ZNF264: variants seen among roughly 807,000 people sequenced by gnomAD.
ZNF264 encodes zinc finger protein 264.
ZNF264 carries 11 observed loss-of-function variants against 11.2 expected under a neutral mutation model. The observed-to-expected ratio is 0.98, with a 90% confidence interval of 0.62 to 1.63. ZNF264 has a LOEUF of 1.63. Ranked by LOEUF, ZNF264 falls within the 40% of genes most tolerant of loss-of-function variation. The pLI is 0.00. For missense variants in ZNF264, 752 were observed against 768.1 expected (o/e 0.98, Z 0.25); for synonymous variants, 309 against 279.8 (o/e 1.10, Z -1.04).
chr19:57,209,519 C>T (rs1599953400), intron 3 of ZNF264, among the ~76,000 whole-genome samples: 1 of 152,086 alleles, frequency 6.6e-6, no homozygotes, highest in African/African-American at 2.4e-5. Context: ...TCTAGATCAT[C>T]TTTATTGTCT....
In ZNF264 at chr19:57,218,766, A is replaced by C. The variant is rs919586935; in HGVS notation, c.*5785A>C. 1.3e-5 allele frequency: 2 copies of C among 152,218 alleles called. No homozygotes were observed. Among genetic ancestry groups the C allele is most frequent in the South Asian group, 4.1e-4 (2 of 4,822 alleles). The allele number at this position is 152,218 out of a possible 1,614,324, so 9.4% of individuals were successfully genotyped here. A position where few individuals can be genotyped will look rare whatever the true frequency, so the allele number is the denominator to read the frequency against. ...CATACCTAATCTGTTGAGTTTGTGC[A>C]GTGAGTTTTCATTTTGGTTTTGTAT... On this transcript the variant is annotated 3_prime_UTR_variant, in exon 4 of 4. Transcript: ENST00000263095.
At position 57,193,582 on chromosome 19, in the gene ZNF264, C is replaced by T. The variant is rs879079804; in HGVS notation, c.34-293C>T. 6 of 973,646 alleles carry T rather than the reference C, an allele frequency of 6.2e-6. No individual in the cohort carries two copies. The South Asian group carries it at 2.8e-4, about 46-fold the overall frequency. The allele number at this position is 973,646 out of a possible 1,614,324, so 60.3% of individuals were successfully genotyped here. A position where few individuals can be genotyped will look rare whatever the true frequency, so the allele number is the denominator to read the frequency against. ...CATTATTGCTATTATTACCATTTCC[C>T]CATTTCCCTGTCGTTTTAGAGCCCT... On this transcript the variant is annotated intron_variant, in intron 1 of 3. Coordinates refer to ENST00000263095, the MANE Select transcript of ZNF264 (RefSeq NM_003417.5).
intron 1 of ZNF264, chr19:57,193,513 G>GTC: frequency 1.0e-6 from 1 of 985,416 alleles, no homozygotes; most frequent in Non-Finnish European, 1.2e-6. Context: ...ACATGGGGCA[G>GTC]GCACCTAGCT....
At position 57,195,018 on chromosome 19, in the gene ZNF264, T is replaced by G. The variant is rs150809512; in HGVS notation, c.160+1017T>G. On this transcript the variant is annotated intron_variant, in intron 2 of 3. Coordinates refer to ENST00000263095, the MANE Select transcript of ZNF264 (RefSeq NM_003417.5). ...TGGAGCTAGGGACTTCTGGTGACTG[T>G]GTTAACACAGGATGGGAAGCCTTCA... 4.3e-3 allele frequency: 1,644 copies of G among 382,720 alleles called. 28 individuals are homozygous for G. The highest frequency in any genetic ancestry group is 0.031 in the African/African-American group (1,483 of 48,282). 23.7% of individuals were successfully genotyped at this position (382,720 alleles called of 1,614,324 possible).
Position 57,212,195 on chromosome 19 carries a change from C to T in ZNF264, c.1098C>T (p.Thr366=), listed in dbSNP as rs112015259. 6.9e-5 allele frequency: 112 copies of T among 1,613,808 alleles called. 1 individual carries two copies. In the African/African-American group the frequency reaches 7.1e-4, roughly 10 times the overall value. ...TCATGTGGCACCAGCAGACTCATAC[C>T]GGGGAGAAGCCCTATGAGTGCAGTG... The part of the protein sequence containing the change: ...SYLMWHQQTH[T]GEKPYECSEC... Residue 366 remains threonine, a synonymous_variant, in exon 4 of 4, where the codon ACC becomes ACT. Coordinates refer to ENST00000263095, the MANE Select transcript of ZNF264 (RefSeq NM_003417.5).
chr19:57,213,191 A>G lies in ZNF264; in HGVS notation c.*210A>G, dbSNP rs2087354623. ...ATTATTTTTAAAAGGAGGAGGGGAC[A>G]TAGAAAAAATGAAATGCAAGCACAC... On this transcript the variant is annotated 3_prime_UTR_variant, in exon 4 of 4. Coordinates refer to ENST00000263095, the MANE Select transcript of ZNF264 (RefSeq NM_003417.5). 1 of 464,962 alleles carries G rather than the reference A, an allele frequency of 2.2e-6. No individual in the cohort carries two copies. Among genetic ancestry groups the G allele is most frequent in the Non-Finnish European group, 3.7e-6 (1 of 269,512 alleles). The allele number at this position is 464,962 out of a possible 1,614,324, so 28.8% of individuals were successfully genotyped here.
At chr19:57,205,189 C>CT (rs1202884748) in intron 2 of ZNF264, among the ~76,000 whole-genome samples, 16 of 152,300 alleles carry the variant, frequency 1.1e-4, no homozygotes, top group African/African-American at 3.4e-4. Flanking sequence ...CTAAGATACT[C>CT]TATCAGTATT....
At chr19:57,205,546 G>T (rs2087286066) in intron 3 of ZNF264, 54 bp downstream of exon 3, 1 of 1,486,412 alleles carries the variant, frequency 6.7e-7, no homozygotes, top group Admixed American at 1.9e-5. Flanking sequence ...AGACTGGATG[G>T]AGACCACTGG....
At chr19:57,194,798 C>T (rs373242030) in intron 2 of ZNF264, 5 of 400,024 alleles carry the variant, frequency 1.2e-5, no homozygotes, top group Admixed American at 4.4e-5. Context: ...AGGATCAATA[C>T]GTTGCATCCT....
Position 57,212,531 on chromosome 19 carries a change from T to A in ZNF264, c.1434T>A (p.Thr478=). Reference sequence around the variant, plus strand: ...TCATTCGCCACTTCAGCATCCACACTGGAGAGAAGCCCTATGAGTGCGTGG... The same window carrying A: ...TCATTCGCCACTTCAGCATCCACACAGGAGAGAAGCCCTATGAGTGCGTGG... ...KDLIRHFSIH[T]GEKPYECVEC... is the part of the protein sequence containing the mutation. Residue 478 remains threonine, a synonymous_variant, in exon 4 of 4, where the codon ACT becomes ACA. Transcript: ENST00000263095. 6.2e-7 allele frequency: 1 copy of A among 1,613,978 alleles called. No homozygotes were observed. Among genetic ancestry groups the A allele is most frequent in the Non-Finnish European group, 8.5e-7 (1 of 1,179,966 alleles).
At chr19:57,194,206 C>A in intron 2 of ZNF264, 1 of 650,250 alleles carries the variant, frequency 1.5e-6, no homozygotes, top group Non-Finnish European at 2.3e-6. Context: ...TGGCTCCCAG[C>A]CAAAGGAGAA....
In ZNF264 at chr19:57,213,198, A is replaced by G. The variant is rs1318703771; in HGVS notation, c.*217A>G. ...TTAAAAGGAGGAGGGGACATAGAAAAAATGAAATGCAAGCACACATCTTTT... is the reference window on the plus strand; with the variant it reads ...TTAAAAGGAGGAGGGGACATAGAAAGAATGAAATGCAAGCACACATCTTTT... On this transcript the variant is annotated 3_prime_UTR_variant, in exon 4 of 4. Transcript: ENST00000263095. 1 of 451,320 alleles carries G rather than the reference A, an allele frequency of 2.2e-6. No homozygotes were observed. 28.0% of individuals were successfully genotyped at this position (451,320 alleles called of 1,614,324 possible). A position where few individuals can be genotyped will look rare whatever the true frequency, so the allele number is the denominator to read the frequency against.
Position 57,219,905 on chromosome 19 carries a change from G to C in ZNF264, c.*6924G>C, listed in dbSNP as rs183280063. 6.6e-6 allele frequency: 1 copy of C among 152,278 alleles called. No homozygotes were observed. Among genetic ancestry groups the C allele is most frequent in the African/African-American group, 2.4e-5 (1 of 41,464 alleles). 9.4% of individuals were successfully genotyped at this position (152,278 alleles called of 1,614,324 possible). On this transcript the variant is annotated 3_prime_UTR_variant, in exon 4 of 4. Coordinates refer to ENST00000263095, the MANE Select transcript of ZNF264 (RefSeq NM_003417.5). Reference sequence around the variant, plus strand: ...TGTCTATGTGGCCATGGCCCTGGCCGTGGGGATGCACCCATAATTATAATG... The same window carrying C: ...TGTCTATGTGGCCATGGCCCTGGCCCTGGGGATGCACCCATAATTATAATG...
chr19:57,212,760 A>C lies in ZNF264; in HGVS notation c.1663A>C (p.Thr555Pro), dbSNP rs769447216. Residue 555 changes from threonine to proline, a missense_variant, in exon 4 of 4, where the codon ACT becomes CCT. By Grantham distance (38) the Thr-to-Pro change is conservative. Transcript: ENST00000263095. ...GGCCTTCAGTCGCAGCTCGTCCCTC[A>C]CTCAGCATCAAAGGATGCATACTGG... ...GKAFSRSSSL[T>P]QHQRMHTGKN... 6.2e-7 allele frequency: 1 copy of C among 1,614,110 alleles called. No individual in the cohort carries two copies.
chr19:57,211,266 A>G, intron 3 of ZNF264, 88 bp from the exon 4 acceptor site: 1 of 1,296,928 alleles, frequency 7.7e-7, no homozygotes, highest in Admixed American at 2.8e-5. Flanking sequence ...CAATATTTTT[A>G]TCTATGGTTT....
intron 2 of ZNF264, among the ~76,000 whole-genome samples, chr19:57,198,702 C>T (rs532803066): frequency 2.6e-5 from 4 of 151,938 alleles, no homozygotes; most frequent in South Asian, 2.1e-4. Flanking sequence ...CTGGAATCAG[C>T]GTCAGCTCGG....
In ZNF264 at chr19:57,207,991, G is replaced by C. The variant is rs200090864; in HGVS notation, c.256+2499G>C. Among the ~76,000 whole-genome samples, 6 of 152,054 alleles carry C rather than the reference G, an allele frequency of 3.9e-5. No individual in the cohort carries two copies. In the East Asian group the frequency reaches 1.2e-3, roughly 30 times the overall value. On this transcript the variant is annotated intron_variant, in intron 3 of 3. Transcript: ENST00000263095. The stretch of plus-strand genomic sequence containing the variant: ...TCCACCCGCCTTGGCCTTCCAAAGT[G>C]CTGGGATTACAGGTGTGAGCCACTG...
At position 57,216,790 on chromosome 19, in the gene ZNF264, G is replaced by A. The variant is rs1019887200; in HGVS notation, c.*3809G>A. The A allele has an allele frequency of 2.0e-5, 3 of 151,030 alleles. No individual in the cohort carries two copies. The highest frequency in any genetic ancestry group is 4.4e-5 in the Non-Finnish European group (3 of 67,800). 9.4% of individuals were successfully genotyped at this position (151,030 alleles called of 1,614,324 possible). A position where few individuals can be genotyped will look rare whatever the true frequency, so the allele number is the denominator to read the frequency against. On this transcript the variant is annotated 3_prime_UTR_variant, in exon 4 of 4. Transcript: ENST00000263095. ...TTAGGGCTTAAGTGTGCCCTTAAATGATTTTTGTGTTCTTTTTTATTGTTC... is the reference window on the plus strand; with the variant it reads ...TTAGGGCTTAAGTGTGCCCTTAAATAATTTTTGTGTTCTTTTTTATTGTTC...
intron 3 of ZNF264, among the ~76,000 whole-genome samples, chr19:57,209,713 A>T (rs2087320079): frequency 6.6e-6 from 1 of 152,070 alleles, no homozygotes; most frequent in South Asian, 2.1e-4. Context: ...AGTAGTTGGG[A>T]CTACACAGGC....
Sources: allele counts gnomAD v4.1 joint callset (sites outside exome capture counted in the v4.1 genomes callset), GRCh38; gene constraint gnomAD v4.1.1; transcripts MANE v1.5; gene names NCBI Gene and HGNC (gene_info 2026-07-23, HGNC 2026-07-21).